NEDD4L: variants seen among roughly 807,000 people sequenced by gnomAD.
NEDD4L encodes NEDD4 like E3 ubiquitin protein ligase.
In NEDD4L, 54 loss-of-function variants were observed where a neutral mutation model predicts 148.9. That is an observed-to-expected ratio of 0.36 (90% confidence interval 0.29 to 0.45). The LOEUF (loss-of-function observed/expected upper bound fraction) is 0.45, where lower values mean the gene tolerates loss of function less well. NEDD4L is among the 20% of genes least tolerant of loss of function. The pLI, the probability that NEDD4L is intolerant of heterozygous loss-of-function variation, is 1.00. For missense variants in NEDD4L, 856 were observed against 1,233.8 expected (o/e 0.69, Z 4.59); for synonymous variants, 433 against 440.7 (o/e 0.98, Z 0.22).
At chr18:58,380,208 A>G (rs912145597) in intron 24 of NEDD4L, among the ~76,000 whole-genome samples, 3 of 151,298 alleles carry the variant, frequency 2.0e-5, no homozygotes, top group African/African-American at 4.8e-5. Flanking sequence ...TTTTATTTAC[A>G]TTTTCCAGAA....
chr18:58,128,666 G>GCTTT (rs1169830176), intron 1 of NEDD4L, among the ~76,000 whole-genome samples: 9 of 152,210 alleles, frequency 5.9e-5, no homozygotes, highest in Non-Finnish European at 1.2e-4. Flanking sequence ...GTGCTTTGTA[G>GCTTT]GCAGCTATGG....
intron 5 of NEDD4L, among the ~76,000 whole-genome samples, chr18:58,289,333 C>T (rs2054372053): frequency 6.6e-6 from 1 of 152,142 alleles, no homozygotes; most frequent in Admixed American, 6.5e-5. Context: ...GTTTCTGTCT[C>T]AGGATTGCTG....
At chr18:58,086,449 A>T (rs904388353) in intron 1 of NEDD4L, among the ~76,000 whole-genome samples, 2 of 152,172 alleles carry the variant, frequency 1.3e-5, no homozygotes, top group Non-Finnish European at 2.9e-5. Flanking sequence ...GGATGTTTTT[A>T]TGATGTACAT....
At chr18:58,235,183 A>T (rs557326548) in intron 2 of NEDD4L, among the ~76,000 whole-genome samples, 2 of 152,264 alleles carry the variant, frequency 1.3e-5, no homozygotes, top group East Asian at 1.9e-4. Context: ...TTACCAGTAC[A>T]CATAATTGTA....
intron 7 of NEDD4L, 27 bp downstream of exon 7, chr18:58,322,513 GGGA>G: frequency 2.3e-6 from 3 of 1,286,438 alleles, no homozygotes; most frequent in East Asian, 2.5e-5. Flanking sequence ...TGGGTGGGTG[GGGA>G]TGCCTGCCCT....
At chr18:58,331,649 A>T (rs971450717) in intron 11 of NEDD4L, among the ~76,000 whole-genome samples, 1 of 152,234 alleles carries the variant, frequency 6.6e-6, no homozygotes, top group Non-Finnish European at 1.5e-5. Context: ...GCTTGTGCAT[A>T]GAATTAAGAG....
intron 1 of NEDD4L, among the ~76,000 whole-genome samples, chr18:58,101,274 G>A (rs1372497543): frequency 6.6e-6 from 1 of 152,136 alleles, no homozygotes; most frequent in South Asian, 2.1e-4. Flanking sequence ...AAGTGGAGTC[G>A]AACATCTCTG....
intron 1 of NEDD4L, among the ~76,000 whole-genome samples, chr18:58,120,360 T>C (rs142511339): frequency 2.0e-5 from 3 of 152,294 alleles, no homozygotes; most frequent in African/African-American, 7.2e-5. Context: ...TCTCCCTCCC[T>C]CTACGATGAG....
At position 58,229,434 on chromosome 18, in the gene NEDD4L, A is replaced by G. The variant is rs76126591; in HGVS notation, c.123-15993A>G. ...ACTCTCACATTGCCTGCGGTGATCTATCACACATTTTGTCCCCTAATAACC... is the reference window on the plus strand; with the variant it reads ...ACTCTCACATTGCCTGCGGTGATCTGTCACACATTTTGTCCCCTAATAACC... On this transcript the variant is annotated intron_variant, in intron 2 of 30. Transcript: ENST00000400345. Among the ~76,000 whole-genome samples, 1,232 of 152,300 alleles carry G rather than the reference A, an allele frequency of 8.1e-3. 21 individuals carry two copies. The highest frequency in any genetic ancestry group is 0.028 in the African/African-American group (1,146 of 41,574).
intron 18 of NEDD4L, among the ~76,000 whole-genome samples, chr18:58,355,948 A>G (rs796943935): frequency 1.3e-5 from 2 of 152,266 alleles, no homozygotes; most frequent in African/African-American, 2.4e-5. Context: ...AACAGAATCA[A>G]TATTCTTCCC....
intron 28 of NEDD4L, among the ~76,000 whole-genome samples, chr18:58,389,755 A>AG (rs1491157723): frequency 6.6e-6 from 1 of 151,710 alleles, no homozygotes; most frequent in African/African-American, 2.4e-5. Flanking sequence ...AAAAAAAAAA[A>AG]CAGTTATCCC....
rs779438818 is a variant in NEDD4L at position 58,357,277 on chromosome 18, T to C, written c.1767+25T>C. ...GGTCAGTATTTTCAAATTCTGCCTC[T>C]TCAGTATAAGATTTTGGTTACGTGT... On this transcript the variant is annotated intron_variant, in intron 19 of 30. Coordinates refer to ENST00000400345, the MANE Select transcript of NEDD4L (RefSeq NM_001144967.3). The C allele has an allele frequency of 1.4e-5, 23 of 1,600,732 alleles. No individual in the cohort carries two copies. In the Admixed American group the frequency reaches 3.2e-4, roughly 22 times the overall value.
chr18:58,078,939 A>G (rs1439130410), intron 1 of NEDD4L, among the ~76,000 whole-genome samples: 2 of 152,154 alleles, frequency 1.3e-5, no homozygotes, highest in East Asian at 1.9e-4. Context: ...CACACCTGTC[A>G]TTGAGGGAAA....
intron 2 of NEDD4L, among the ~76,000 whole-genome samples, chr18:58,173,028 G>C (rs1255820534): frequency 6.6e-6 from 1 of 152,182 alleles, no homozygotes; most frequent in East Asian, 1.9e-4. Context: ...ACTATTACTA[G>C]ATTTAGAATA....
chr18:58,302,587 A>G (rs1042117282), intron 5 of NEDD4L, among the ~76,000 whole-genome samples: 3 of 152,150 alleles, frequency 2.0e-5, no homozygotes, highest in African/African-American at 7.2e-5. Context: ...ACCCACTACT[A>G]CTCCTATTTC....
At chr18:58,341,911 T>A in intron 15 of NEDD4L, 114 bp downstream of exon 15, 1 of 1,250,054 alleles carries the variant, frequency 8.0e-7, no homozygotes. Flanking sequence ...GATCAGTCGT[T>A]GTGTTGGTAG....
intron 1 of NEDD4L, among the ~76,000 whole-genome samples, chr18:58,084,937 C>T (rs2083677836): frequency 6.6e-6 from 1 of 151,794 alleles, no homozygotes; most frequent in Non-Finnish European, 1.5e-5. Flanking sequence ...TCAAGTGATC[C>T]TCCCACCTCA....
Position 58,101,390 on chromosome 18 carries a change from G to A in NEDD4L, c.48+56682G>A, listed in dbSNP as rs757877653. On this transcript the variant is annotated intron_variant, in intron 1 of 30. Transcript: ENST00000400345. ...TGTGAATGGCTGAACTCAGAACAAG[G>A]CTTTTGCAATCTGCGCCTTCTGAAT... Among the ~76,000 whole-genome samples the A allele has an allele frequency of 2.0e-5, 3 of 152,294 alleles. No individual in the cohort carries two copies. The South Asian group carries it at 6.2e-4, about 32-fold the overall frequency.
At chr18:58,100,509 G>A (rs999061876) in intron 1 of NEDD4L, among the ~76,000 whole-genome samples, 2 of 152,154 alleles carry the variant, frequency 1.3e-5, no homozygotes, top group South Asian at 4.1e-4. Context: ...CTAAACTCAA[G>A]TTTCACGAAT....
Sources: allele counts gnomAD v4.1 joint callset (sites outside exome capture counted in the v4.1 genomes callset), GRCh38; gene constraint gnomAD v4.1.1; transcripts MANE v1.5; gene names NCBI Gene and HGNC (gene_info 2026-07-23, HGNC 2026-07-21).